ATP8B1: variants seen among roughly 807,000 people sequenced by gnomAD.
ATP8B1 encodes ATPase phospholipid transporting 8B1, also known as phospholipid-transporting ATPase IC.
A neutral mutation model predicts 149.9 loss-of-function variants in ATP8B1; 80 were observed. The observed-to-expected ratio is 0.53, with a 90% CI of 0.45 to 0.64. The LOEUF (loss-of-function observed/expected upper bound fraction) is 0.64. Ranked by LOEUF, ATP8B1 falls within the 30% of genes least tolerant of loss-of-function variation. The pLI is 0.00. For missense variants in ATP8B1, 1,247 were observed against 1,552.6 expected (o/e 0.80, Z 3.31); for synonymous variants, 536 against 562.8 (o/e 0.95, Z 0.67).
At chr18:57,778,323 T>G (rs2080327316) in intron 1 of ATP8B1, among the ~76,000 whole-genome samples, 1 of 151,388 alleles carries the variant, frequency 6.6e-6, no homozygotes, top group Non-Finnish European at 1.5e-5. Flanking sequence ...CCTTCCAGGT[T>G]CACGCCATTC....
chr18:57,728,286 T>C (rs749105438), intron 2 of ATP8B1, among the ~76,000 whole-genome samples: 28 of 152,190 alleles, frequency 1.8e-4, no homozygotes, highest in Non-Finnish European at 2.8e-4. Flanking sequence ...GGGTGACTCA[T>C]GTTCTGATGT....
At chr18:57,734,251 G>A (rs570398314) in intron 1 of ATP8B1, among the ~76,000 whole-genome samples, 69 of 152,224 alleles carry the variant, frequency 4.5e-4, no homozygotes, top group African/African-American at 1.6e-3. Flanking sequence ...GTGCAGTGGT[G>A]CAATCTCGGC....
intron 1 of ATP8B1, among the ~76,000 whole-genome samples, chr18:57,762,956 CT>C (rs1352490901): frequency 6.6e-6 from 1 of 152,154 alleles, no homozygotes; most frequent in Non-Finnish European, 1.5e-5. Flanking sequence ...CCAAAGATAA[CT>C]GGCACTTGGA....
At chr18:57,796,950 A>C (rs1308794200) in intron 1 of ATP8B1, among the ~76,000 whole-genome samples, 2 of 152,210 alleles carry the variant, frequency 1.3e-5, no homozygotes, top group East Asian at 3.9e-4. Flanking sequence ...GTTCTTATAG[A>C]AAATGTTAAG....
At chr18:57,676,414 A>G (rs1016269263) in intron 15 of ATP8B1, among the ~76,000 whole-genome samples, 2 of 151,988 alleles carry the variant, frequency 1.3e-5, no homozygotes, top group Non-Finnish European at 2.9e-5. Context: ...CTTATTAAAA[A>G]AAAAAAGAAA....
intron 2 of ATP8B1, among the ~76,000 whole-genome samples, chr18:57,708,189 T>C (rs1913511006): frequency 7.0e-6 from 1 of 143,416 alleles, no homozygotes; most frequent in African/African-American, 2.6e-5. Flanking sequence ...AAGTAACAAG[T>C]GTAGACTATT....
At chr18:57,686,578 G>A (rs777499957) in intron 13 of ATP8B1, among the ~76,000 whole-genome samples, 2 of 151,996 alleles carry the variant, frequency 1.3e-5, no homozygotes, top group Non-Finnish European at 2.9e-5. Flanking sequence ...CCACCACCAC[G>A]CCCAGGTAAT....
chr18:57,798,595 A>AAAAT (rs1356390506), intron 1 of ATP8B1, among the ~76,000 whole-genome samples: 3 of 152,064 alleles, frequency 2.0e-5, no homozygotes, highest in South Asian at 4.2e-4. Context: ...GACCCTGTCT[A>AAAAT]AAATAAATAA....
intron 16 of ATP8B1, among the ~76,000 whole-genome samples, chr18:57,673,476 G>A (rs1911391165): frequency 6.6e-6 from 1 of 151,950 alleles, no homozygotes. Flanking sequence ...CAGTATTTAG[G>A]GGAAAGGGAC....
intron 11 of ATP8B1, among the ~76,000 whole-genome samples, chr18:57,692,423 AGATT>A (rs1912580459): frequency 1.5e-5 from 2 of 136,050 alleles, no homozygotes; most frequent in Non-Finnish European, 3.1e-5. Flanking sequence ...GATATTCAAC[AGATT>A]TTTTTTTTTT....
intron 1 of ATP8B1, among the ~76,000 whole-genome samples, chr18:57,762,592 A>G (rs945090845): frequency 6.6e-6 from 1 of 152,208 alleles, no homozygotes; most frequent in African/African-American, 2.4e-5. Context: ...TCTTACTCTC[A>G]AGAGTGGAAC....
chr18:57,715,063 C>T (rs1008941080), intron 2 of ATP8B1, among the ~76,000 whole-genome samples: 1 of 152,200 alleles, frequency 6.6e-6, no homozygotes, highest in Admixed American at 6.5e-5. Flanking sequence ...ACAGAGAAGA[C>T]ATTCAGAACT....
At chr18:57,699,720 C>CAAAAAAAAAAAAAAA (rs1913021783) in intron 6 of ATP8B1, among the ~76,000 whole-genome samples, 17 of 105,892 alleles carry the variant, frequency 1.6e-4, no homozygotes, top group African/African-American at 4.8e-4. Context: ...GACTCCGTCT[C>CAAAAAAAAAAAAAAA]AAAAAAATAA....
rs531697208 is a variant in ATP8B1 at position 57,698,526 on chromosome 18, G to A, written c.555-659C>T. Among the ~76,000 whole-genome samples the A allele has an allele frequency of 3.3e-5, 5 of 151,982 alleles. No homozygotes were observed. The South Asian group carries it at 1.0e-3, about 32-fold the overall frequency. ...CGCCTGACTAATTTTTTAGAGATGA[G>A]TTTTTACCATATTGGCCAGGCTGGT... is the stretch of plus-strand genomic sequence containing the variant. On this transcript the variant is annotated intron_variant, in intron 6 of 27. Transcript: ENST00000648908.
At chr18:57,760,028 C>T (rs1481207049) in intron 1 of ATP8B1, among the ~76,000 whole-genome samples, 1 of 152,050 alleles carries the variant, frequency 6.6e-6, no homozygotes, top group African/African-American at 2.4e-5. Flanking sequence ...TTCAAAGGCA[C>T]TAGAAAGAAG....
intron 1 of ATP8B1, among the ~76,000 whole-genome samples, chr18:57,762,748 T>C (rs1226592329): frequency 2.6e-5 from 4 of 152,222 alleles, no homozygotes; most frequent in African/African-American, 4.8e-5. Flanking sequence ...TGCTTTTTCA[T>C]TGTTCCTTTT....
chr18:57,761,334 G>C, intron 1 of ATP8B1, among the ~76,000 whole-genome samples: 1 of 152,052 alleles, frequency 6.6e-6, no homozygotes, highest in Non-Finnish European at 1.5e-5. Flanking sequence ...CTTGAGATAA[G>C]ACAAAGAGTG....
Position 57,704,543 on chromosome 18 carries a change from A to G in ATP8B1, c.393+12T>C. ...ATAATTCAAACAGATTTAAGATAGC[A>G]AAGGGCATTACCTGTAAGATAAGAA... On this transcript the variant is annotated intron_variant, in intron 4 of 27. Transcript: ENST00000648908. 6.6e-7 allele frequency: 1 copy of G among 1,508,364 alleles called. No homozygotes were observed. Among genetic ancestry groups the G allele is most frequent in the Non-Finnish European group, 9.2e-7 (1 of 1,084,204 alleles). The allele number at this position is 1,508,364 out of a possible 1,614,324, so 93.4% of individuals were successfully genotyped here.
intron 1 of ATP8B1, among the ~76,000 whole-genome samples, chr18:57,778,046 C>G (rs2123402676): frequency 6.6e-6 from 1 of 152,298 alleles, no homozygotes; most frequent in Non-Finnish European, 1.5e-5. Flanking sequence ...TCTTGACTTT[C>G]CAGTGATGGT....
Sources: allele counts gnomAD v4.1 joint callset (sites outside exome capture counted in the v4.1 genomes callset), GRCh38; gene constraint gnomAD v4.1.1; transcripts MANE v1.5; gene names NCBI Gene and HGNC (gene_info 2026-07-23, HGNC 2026-07-21).